The following ITGB1 variants were observed in gnomAD, a reference collection of about 807,000 sequenced individuals.
The protein encoded by ITGB1 is integrin beta-1.
A neutral mutation model predicts 86.5 loss-of-function variants in ITGB1; 24 were observed. That is an observed-to-expected ratio of 0.28 (90% CI 0.20 to 0.39). ITGB1 has a LOEUF of 0.39. Ranked by LOEUF, ITGB1 falls within the 10% of genes least tolerant of loss-of-function variation. The probability of loss-of-function intolerance (pLI) is 1.00; values close to 1 mark genes in which losing one functional copy is unlikely to be tolerated. For missense variants in ITGB1, 556 were observed against 946.9 expected, an observed-to-expected ratio of 0.59 and a Z score of 5.42; for synonymous variants, 323 against 316.8, an observed-to-expected ratio of 1.02 and a Z score of -0.21.
chr10:32,923,540 A>G, intron 7 of ITGB1, 45 bp downstream of exon 7: 1 of 1,533,246 alleles, frequency 6.5e-7, no homozygotes, highest in Non-Finnish European at 8.9e-7. Context: ...TAAACATTAA[A>G]ATCCAACATA....
intron 3 of ITGB1, among the ~76,000 whole-genome samples, chr10:32,930,617 T>C (rs1396091044): frequency 6.6e-6 from 1 of 152,194 alleles, no homozygotes; most frequent in Non-Finnish European, 1.5e-5. Flanking sequence ...GTATTAGCTA[T>C]TATTGTAAAT....
chr10:32,908,206 T>A (rs1325412364), intron 15 of ITGB1, 162 bp downstream of exon 15: 4 of 473,804 alleles, frequency 8.4e-6, no homozygotes, highest in Non-Finnish European at 1.5e-5. Flanking sequence ...TAGGATGCTT[T>A]CTGTTTTTCA....
intron 1 of ITGB1, among the ~76,000 whole-genome samples, chr10:32,939,838 C>T (rs2137248231): frequency 6.6e-6 from 1 of 152,304 alleles, no homozygotes; most frequent in Non-Finnish European, 1.5e-5. Flanking sequence ...ATACACAGTA[C>T]TGTGGACACA....
intron 9 of ITGB1, 84 bp downstream of exon 9, chr10:32,922,173 G>T (rs1367426869): frequency 2.4e-6 from 2 of 833,380 alleles, no homozygotes; most frequent in Non-Finnish European, 3.8e-6. Context: ...GCTAAAGTGT[G>T]TATGAAGGAA....
In ITGB1 at chr10:32,918,952, T is replaced by C. The variant is rs1383738062; in HGVS notation, c.1469+933A>G. 2.0e-5 allele frequency among the ~76,000 whole-genome samples: 3 copies of C among 152,222 alleles called. No individual in the cohort carries two copies. The South Asian group carries it at 6.2e-4, about 31-fold the overall frequency. On this transcript the variant is annotated intron_variant, in intron 11 of 15. Coordinates refer to ENST00000302278, the MANE Select transcript of ITGB1 (RefSeq NM_002211.4). Reference sequence around the variant, plus strand: ...GTATTTTTAGAACACATAATGCTCATGGACACTGACTGCACTGATTCTGTA... The same window carrying C: ...GTATTTTTAGAACACATAATGCTCACGGACACTGACTGCACTGATTCTGTA...
intron 15 of ITGB1, among the ~76,000 whole-genome samples, chr10:32,904,820 C>T (rs1361685701): frequency 1.3e-5 from 2 of 152,138 alleles, no homozygotes; most frequent in Non-Finnish European, 2.9e-5. Flanking sequence ...TCCTGAATTA[C>T]ATAAAATGCT....
intron 11 of ITGB1, among the ~76,000 whole-genome samples, chr10:32,912,428 A>G (rs993631219): frequency 1.3e-5 from 2 of 152,234 alleles, no homozygotes; most frequent in African/African-American, 2.4e-5. Flanking sequence ...CTGGAAAATC[A>G]GGACACTCCC....
intron 1 of ITGB1, chr10:32,957,709 G>A (rs2095055488): frequency 6.6e-6 from 1 of 152,300 alleles, no homozygotes; most frequent in Admixed American, 6.5e-5. Context: ...CCGTCCAGGG[G>A]AGCGCCGAGT....
chr10:32,917,935 G>A (rs2094937132), intron 11 of ITGB1, among the ~76,000 whole-genome samples: 3 of 152,124 alleles, frequency 2.0e-5, no homozygotes, highest in African/African-American at 7.2e-5. Context: ...CAAAGACTTG[G>A]AACCAACCCA....
At chr10:32,948,862 A>C (rs1241560565) in intron 1 of ITGB1, among the ~76,000 whole-genome samples, 2 of 151,828 alleles carry the variant, frequency 1.3e-5, no homozygotes, top group Non-Finnish European at 2.9e-5. Context: ...TTACATCACA[A>C]GGAAGCAAAC....
At chr10:32,932,112 TC>T (rs1250824862) in intron 3 of ITGB1, among the ~76,000 whole-genome samples, 1 of 152,052 alleles carries the variant, frequency 6.6e-6, no homozygotes, top group Non-Finnish European at 1.5e-5. Flanking sequence ...TTGAAGGTTC[TC>T]CCATAAAAAT....
Position 32,922,326 on chromosome 10 carries a change from A to G in ITGB1, c.1059T>C (p.Pro353=), listed in dbSNP as rs1354565675. The change falls in exon 9 of 16, where the codon CCT becomes CCC. Residue 353 remains proline (P), a synonymous_variant. Transcript: ENST00000302278. ...PVYKELKNLI[P]KSAVGTLSAN... ...CAGATAATGTTCCTACTGCTGACTT[A>G]GGGATCAAGTTTTTCAGCTCCTGCA... is the stretch of plus-strand genomic sequence containing the variant. The G allele has an allele frequency of 1.2e-6, 2 of 1,608,872 alleles. No homozygotes were observed. The highest frequency in any genetic ancestry group is 1.7e-5 in the Admixed American group (1 of 59,134).
Position 32,910,323 on chromosome 10 carries a change from C to T in ITGB1, c.2064G>A (p.Val688=), listed in dbSNP as rs1380034713. The T allele has an allele frequency of 1.9e-6, 3 of 1,603,844 alleles. No homozygotes were observed. Among genetic ancestry groups the T allele is most frequent in the Non-Finnish European group, 8.5e-7 (1 of 1,171,060 alleles). Residue 688 remains valine, a synonymous_variant, in exon 14 of 16, where the codon GTG becomes GTA. Transcript: ENST00000302278. ...CAACATCCTTCTCCTTACAATGGGA[C>T]ACAGGATCAGGTTGGACCGGCTGGG... ...KLPQPVQPDP[V]SHCKEKDVDD... is the part of the protein sequence containing the mutation.
Position 32,912,004 on chromosome 10 carries a change from C to G in ITGB1, c.1590G>C (p.Glu530Asp), listed in dbSNP as rs2094914952. 6.2e-7 allele frequency: 1 copy of G among 1,614,048 alleles called. No individual in the cohort carries two copies. The highest frequency in any genetic ancestry group is 8.5e-7 in the Non-Finnish European group (1 of 1,179,994). Residue 530 changes from glutamate (E) to aspartate (D), a missense_variant, in exon 12 of 16, where the codon GAG becomes GAC. Physicochemically the swap from Glu to Asp is conservative, Grantham distance 45 (BLOSUM62 2). Around this residue, in one of 4 missense-constraint regions of ITGB1, gnomAD observed 330 missense variants for 531.5 expected, o/e 0.62. Transcript: ENST00000302278. ...NSSEICSNNG[E>D]CVCGQCVCRK... ...TACAAACACACTGTCCGCAGACGCA[C>G]TCTCCATTGTTACTGCAGATTTCTG... is the stretch of plus-strand genomic sequence containing the variant.
intron 4 of ITGB1, 118 bp from the exon 5 acceptor site, chr10:32,928,382 A>G (rs762988167): frequency 1.8e-6 from 1 of 563,250 alleles, no homozygotes; most frequent in Non-Finnish European, 3.2e-6. Context: ...ATGTTGTCAT[A>G]ATTTTTACAA....
intron 1 of ITGB1, 130 bp from the exon 2 acceptor site, chr10:32,935,688 C>T (rs527986541): frequency 1.2e-5 from 8 of 666,956 alleles, no homozygotes; most frequent in African/African-American, 1.1e-4. Context: ...CATTTCACTC[C>T]AGCCCCTCTC....
At chr10:32,908,676 G>A in intron 14 of ITGB1, 142 bp from the exon 15 acceptor site, 1 of 580,924 alleles carries the variant, frequency 1.7e-6, no homozygotes, top group Non-Finnish European at 2.9e-6. Flanking sequence ...TAACAAGTGA[G>A]TTTACAAGGT....
At chr10:32,914,889 T>C (rs181468674) in intron 11 of ITGB1, among the ~76,000 whole-genome samples, 3 of 152,324 alleles carry the variant, frequency 2.0e-5, no homozygotes, top group African/African-American at 4.8e-5. Context: ...ACCGCACTTA[T>C]TGCAAAACTG....
chr10:32,947,753 T>C (rs2095034707), intron 1 of ITGB1, among the ~76,000 whole-genome samples: 1 of 152,250 alleles, frequency 6.6e-6, no homozygotes, highest in Non-Finnish European at 1.5e-5. Flanking sequence ...GCATCTACCG[T>C]TGTACAACAT....
Sources: allele counts gnomAD v4.1 joint callset (sites outside exome capture counted in the v4.1 genomes callset), GRCh38; gene constraint gnomAD v4.1.1; regional missense constraint gnomAD v4.1.1; transcripts MANE v1.5; gene names NCBI Gene and HGNC (gene_info 2026-07-23, HGNC 2026-07-21).